ARHGEF37: variants seen among roughly 807,000 people sequenced by gnomAD.
The protein encoded by ARHGEF37 is Rho guanine nucleotide exchange factor (GEF) 37.
In ARHGEF37, 55 loss-of-function variants were observed where a neutral mutation model predicts 71.1. The observed-to-expected ratio is 0.77, with a 90% CI of 0.62 to 0.97. The LOEUF is 0.97. ARHGEF37 is among the 50% of genes least tolerant of loss of function. The pLI, the probability that ARHGEF37 is intolerant of heterozygous loss-of-function variation, is 0.00. For synonymous variants in ARHGEF37, 327 were observed against 350.6 expected (o/e 0.93, Z 0.75); for missense variants, 765 against 836.8 (o/e 0.91, Z 1.06).
chr5:149,574,788 T>A (rs1208293149), intron 1 of ARHGEF37, among the ~76,000 whole-genome samples: 1 of 152,176 alleles, frequency 6.6e-6, no homozygotes, highest in East Asian at 1.9e-4. Context: ...GTCATCTCCT[T>A]ACATCCCATA....
At chr5:149,617,437 G>A (rs1752411958) in intron 5 of ARHGEF37, among the ~76,000 whole-genome samples, 1 of 152,192 alleles carries the variant, frequency 6.6e-6, no homozygotes, top group Non-Finnish European at 1.5e-5. Context: ...AGTGTCTCAA[G>A]TTAAGAGAAA....
At position 149,562,107 on chromosome 5, in the gene ARHGEF37, T is replaced by C. The variant is rs527639870; in HGVS notation, c.-12+9984T>C. ...TGATGCCAGGAAGCACTGATACTTA[T>C]CACAGAAAATGAACTAACTGCTCCA... On this transcript the variant is annotated intron_variant, in intron 1 of 2. Transcript: ENST00000505810. Among the ~76,000 whole-genome samples the C allele has an allele frequency of 3.9e-5, 6 of 152,252 alleles. No individual in the cohort carries two copies. In the South Asian group the frequency reaches 1.0e-3, roughly 26 times the overall value.
intron 4 of ARHGEF37, among the ~76,000 whole-genome samples, chr5:149,613,329 T>C (rs1752254876): frequency 6.6e-6 from 1 of 150,578 alleles, no homozygotes; most frequent in Non-Finnish European, 1.5e-5. Flanking sequence ...GACAGACAGA[T>C]AGATGGTTAG....
chr5:149,619,268 C>A (rs1280645544), intron 7 of ARHGEF37, among the ~76,000 whole-genome samples: 1 of 152,132 alleles, frequency 6.6e-6, no homozygotes, highest in Non-Finnish European at 1.5e-5. Context: ...CCACATAGGG[C>A]CAAAATTCAC....
chr5:149,558,582 C>T (rs1425993334), intron 1 of ARHGEF37, among the ~76,000 whole-genome samples: 2 of 151,938 alleles, frequency 1.3e-5, no homozygotes, highest in African/African-American at 4.8e-5. Flanking sequence ...TCTTGAATAC[C>T]TGGGCTCAAG....
At chr5:149,562,390 G>C (rs1305038732) in intron 1 of ARHGEF37, among the ~76,000 whole-genome samples, 1 of 152,178 alleles carries the variant, frequency 6.6e-6, no homozygotes, top group Non-Finnish European at 1.5e-5. Context: ...TCCATCGTAG[G>C]TGTGAGGAAG....
At chr5:149,553,994 C>G (rs1005962966) in intron 1 of ARHGEF37, among the ~76,000 whole-genome samples, 1 of 152,070 alleles carries the variant, frequency 6.6e-6, no homozygotes, top group African/African-American at 2.4e-5. Context: ...ATGGTGAAAC[C>G]CTGTCTCTAC....
chr5:149,621,475 T>C (rs1332602757), intron 8 of ARHGEF37, among the ~76,000 whole-genome samples: 1 of 152,028 alleles, frequency 6.6e-6, no homozygotes, highest in African/African-American at 2.4e-5. Context: ...GGTCTTTGCA[T>C]AATAATGATT....
In ARHGEF37 at chr5:149,616,914, G is replaced by A. The variant is rs182196957; in HGVS notation, c.658+148G>A. The A allele has an allele frequency of 1.4e-4, 110 of 794,330 alleles. No homozygotes were observed. In the East Asian group the frequency reaches 2.7e-3, roughly 19 times the overall value. The allele number at this position is 794,330 out of a possible 1,614,324, so 49.2% of individuals were successfully genotyped here. A position where few individuals can be genotyped will look rare whatever the true frequency, so the allele number is the denominator to read the frequency against. ...GTAATGCAAGCTTTAGGTAGGGTTC[G>A]ATCAGGGTGCTGGCTCCAGTTCCCT... On this transcript the variant is annotated intron_variant, in intron 5 of 12. Transcript: ENST00000333677.
At chr5:149,623,869 A>C in intron 9 of ARHGEF37, 143 bp from the exon 10 acceptor site, 7 of 1,118,674 alleles carry the variant, frequency 6.3e-6, no homozygotes, top group African/African-American at 1.6e-5. Flanking sequence ...CGAAAATGCA[A>C]GAGATCCTGC....
chr5:149,606,345 T>G (rs1763913232), intron 3 of ARHGEF37, among the ~76,000 whole-genome samples: 1 of 152,196 alleles, frequency 6.6e-6, no homozygotes. Context: ...AGGCATCAGC[T>G]GAACCAACAC....
intron 4 of ARHGEF37, among the ~76,000 whole-genome samples, chr5:149,611,407 A>G (rs767247841): frequency 8.5e-5 from 13 of 152,232 alleles, no homozygotes; most frequent in African/African-American, 1.2e-4. Flanking sequence ...TAGATGTAAC[A>G]TCTCTCAAGA....
intron 4 of ARHGEF37, among the ~76,000 whole-genome samples, chr5:149,610,693 C>T (rs1049964456): frequency 1.3e-5 from 2 of 152,108 alleles, no homozygotes; most frequent in African/African-American, 4.8e-5. Context: ...GCAAGAGTCA[C>T]AAAATATATT....
intron 1 of ARHGEF37, among the ~76,000 whole-genome samples, chr5:149,562,382 CAT>C (rs1235154685): frequency 6.6e-6 from 1 of 152,310 alleles, no homozygotes; most frequent in African/African-American, 2.4e-5. Flanking sequence ...CTATTGTATC[CAT>C]CGTAGGTGTG....
intron 1 of ARHGEF37, among the ~76,000 whole-genome samples, chr5:149,569,480 C>T (rs970111200): frequency 2.0e-5 from 3 of 151,748 alleles, no homozygotes; most frequent in African/African-American, 4.8e-5. Flanking sequence ...TCACCACGCC[C>T]GACTAATATT....
At chr5:149,571,902 T>C in intron 1 of ARHGEF37, among the ~76,000 whole-genome samples, 1 of 80,616 alleles carries the variant, frequency 1.2e-5, no homozygotes, top group African/African-American at 6.1e-5. Flanking sequence ...TGAGACCCTG[T>C]CTCAAAAAAA....
chr5:149,619,640 T>G (rs1213227818), intron 7 of ARHGEF37, among the ~76,000 whole-genome samples: 5 of 152,034 alleles, frequency 3.3e-5, no homozygotes, highest in Non-Finnish European at 1.5e-5. Context: ...TTTGATGACA[T>G]CTCCTGATGC....
At chr5:149,554,665 A>G (rs960170837) in intron 1 of ARHGEF37, among the ~76,000 whole-genome samples, 2 of 147,754 alleles carry the variant, frequency 1.4e-5, no homozygotes, top group South Asian at 2.1e-4. Flanking sequence ...TTTTTTTTAC[A>G]TAGAAAATGA....
intron 1 of ARHGEF37, among the ~76,000 whole-genome samples, chr5:149,595,009 G>A (rs961029428): frequency 7.2e-5 from 11 of 152,070 alleles, no homozygotes; most frequent in South Asian, 2.1e-4. Context: ...CATGAATTTC[G>A]GGAAAGGACA....
Sources: gnomAD v4.1 joint callset for allele counts (sites outside exome capture counted in the v4.1 genomes callset) on GRCh38, gnomAD v4.1.1 for gene constraint, MANE v1.5 for transcripts, NCBI Gene and HGNC (gene_info 2026-07-23, HGNC 2026-07-21) for gene names.